RNF216: variants seen among roughly 807,000 people sequenced by gnomAD.
RNF216 encodes the protein ring finger protein 216.
In RNF216, 72 loss-of-function variants were observed where a neutral mutation model predicts 110.8. The observed-to-expected ratio is 0.65, with a 90% confidence interval of 0.54 to 0.79. The LOEUF (loss-of-function observed/expected upper bound fraction) is 0.79, where lower values mean the gene tolerates loss of function less well. Among genes scored for constraint, RNF216 ranks in the 30% least tolerant of loss-of-function variants. The pLI is 0.00. For synonymous variants in RNF216, 495 were observed against 407.5 expected, an observed-to-expected ratio of 1.21 and a Z score of -2.59; for missense variants, 1,342 against 1,141.2, an observed-to-expected ratio of 1.18 and a Z score of -2.54.
chr7:5,624,610 G>A lies in RNF216; in HGVS notation c.2383-485C>T, dbSNP rs1050317115. On this transcript the variant is annotated intron_variant, in intron 15 of 16. Transcript: ENST00000389902. The surrounding 1 kb of genome is among the most constrained non-coding windows in gnomAD (Gnocchi z 4.4). ...CAGTCGGGCCCTGCTTAGCCCCCAAGGCTGGCCTTGGCTCCTGGGCCAGGC... is the reference window on the plus strand; with the variant it reads ...CAGTCGGGCCCTGCTTAGCCCCCAAAGCTGGCCTTGGCTCCTGGGCCAGGC... Among the ~76,000 whole-genome samples, 4 of 152,250 alleles carry A rather than the reference G, an allele frequency of 2.6e-5. No individual in the cohort carries two copies. Among genetic ancestry groups the A allele is most frequent in the Admixed American group, 1.3e-4 (2 of 15,290 alleles).
At chr7:5,780,803 T>C (rs534972170) in intron 1 of RNF216, among the ~76,000 whole-genome samples, 3 of 152,276 alleles carry the variant, frequency 2.0e-5, no homozygotes, top group South Asian at 4.1e-4. Context: ...CTTAGGGATT[T>C]ACAGAGCCCT....
intron 13 of RNF216, among the ~76,000 whole-genome samples, chr7:5,676,746 A>G (rs1790324596): frequency 1.3e-5 from 2 of 152,232 alleles, no homozygotes; most frequent in Non-Finnish European, 2.9e-5. Flanking sequence ...TGGGAGAGAA[A>G]GAAAACTCCT....
chr7:5,728,842 G>A (rs1793918144), intron 7 of RNF216, among the ~76,000 whole-genome samples: 1 of 152,224 alleles, frequency 6.6e-6, no homozygotes, highest in African/African-American at 2.4e-5. Flanking sequence ...GCTGGTGCGT[G>A]CGCTCCTGTT....
intron 1 of RNF216, among the ~76,000 whole-genome samples, chr7:5,777,870 C>T (rs1373939288): frequency 1.3e-5 from 2 of 152,176 alleles, no homozygotes; most frequent in Non-Finnish European, 2.9e-5. Context: ...AACAATTTAA[C>T]ATAAAACATC....
chr7:5,690,194 G>A (rs1791247176), intron 13 of RNF216, among the ~76,000 whole-genome samples: 1 of 150,426 alleles, frequency 6.6e-6, no homozygotes, highest in South Asian at 2.1e-4. Flanking sequence ...AGGCATGGTG[G>A]TGCACACCTG....
chr7:5,624,736 A>T lies in RNF216; in HGVS notation c.2383-611T>A, dbSNP rs117075173. ...GCTTGGTAGGCCTGAAATAACAAACACAATTCACACTTGGGTTATCCAAGC... is the reference window on the plus strand; with the variant it reads ...GCTTGGTAGGCCTGAAATAACAAACTCAATTCACACTTGGGTTATCCAAGC... On this transcript the variant is annotated intron_variant, in intron 15 of 16. Coordinates refer to ENST00000389902, the MANE Select transcript of RNF216 (RefSeq NM_207111.4). The surrounding 1 kb of genome is among the most constrained non-coding windows in gnomAD (Gnocchi z 4.4). Among the ~76,000 whole-genome samples, 2,729 of 152,292 alleles carry T rather than the reference A, an allele frequency of 0.018. 35 individuals carry two copies. The highest frequency in any genetic ancestry group is 0.029 in the Non-Finnish European group (1,959 of 68,026).
At position 5,623,101 on chromosome 7, in the gene RNF216, G is replaced by T. The variant is rs1786489798; in HGVS notation, c.2531C>A (p.Pro844His). Residue 844 changes from proline (P) to histidine (H), a missense_variant, in exon 17 of 17, where the codon CCC (proline) becomes CAC (histidine). Physicochemically the swap from Pro to His is moderately conservative, Grantham distance 77. Transcript: ENST00000389902. Reference sequence around the variant, plus strand: ...TGGCTGTGGCAGGTTCTGCGGAACGGGCCTCGGGAGGGCCTCCACCCTCTG... The same window carrying T: ...TGGCTGTGGCAGGTTCTGCGGAACGTGCCTCGGGAGGGCCTCCACCCTCTG... Reference protein sequence around the residue: ...KVQRVEALPRPVPQNLPQPQM... With the variant: ...KVQRVEALPRHVPQNLPQPQM... 6.2e-7 allele frequency: 1 copy of T among 1,609,042 alleles called. No individual in the cohort carries two copies. The highest frequency in any genetic ancestry group is 8.5e-7 in the Non-Finnish European group (1 of 1,176,218).
At chr7:5,631,033 T>G (rs1787038780) in intron 15 of RNF216, among the ~76,000 whole-genome samples, 1 of 152,068 alleles carries the variant, frequency 6.6e-6, no homozygotes, top group Non-Finnish European at 1.5e-5. Context: ...AAGGTGTGCT[T>G]TATTCTATAA....
chr7:5,781,120 G>A (rs1013222561), intron 1 of RNF216, among the ~76,000 whole-genome samples: 6 of 152,218 alleles, frequency 3.9e-5, no homozygotes, highest in Non-Finnish European at 7.4e-5. Context: ...CGCCTGGGCT[G>A]GGGTTCACAG....
intron 13 of RNF216, among the ~76,000 whole-genome samples, chr7:5,667,734 C>A (rs2128591693): frequency 6.6e-6 from 1 of 152,332 alleles, no homozygotes; most frequent in African/African-American, 2.4e-5. Context: ...TGCTGGAACT[C>A]CACTGTCAGC....
chr7:5,723,348 T>G (rs1035430842), intron 8 of RNF216, among the ~76,000 whole-genome samples: 2 of 152,162 alleles, frequency 1.3e-5, no homozygotes, highest in Admixed American at 6.6e-5. Context: ...GTCCTTTATT[T>G]TAAAAAATAA....
chr7:5,690,835 C>T (rs1173906775), intron 13 of RNF216, among the ~76,000 whole-genome samples: 1 of 152,044 alleles, frequency 6.6e-6, no homozygotes, highest in Non-Finnish European at 1.5e-5. Flanking sequence ...GACAGCTCTG[C>T]CACACCAGCC....
chr7:5,703,945 A>G (rs1032702525), intron 13 of RNF216, among the ~76,000 whole-genome samples: 2 of 152,238 alleles, frequency 1.3e-5, no homozygotes, highest in African/African-American at 4.8e-5. Flanking sequence ...CATATTCCAG[A>G]AGCATCACCT....
chr7:5,738,504 C>G lies in RNF216; in HGVS notation c.1121+772G>C, dbSNP rs549534073. Among the ~76,000 whole-genome samples, 116 of 152,120 alleles carry G rather than the reference C, an allele frequency of 7.6e-4. 1 individual carries two copies. The highest frequency in any genetic ancestry group is 1.2e-3 in the Admixed American group (18 of 15,290). Reference sequence around the variant, plus strand: ...CGGGTGGATCACGAGGTCAGGAGATCGAGACCATCCTGGCTAACATGGTGA... The same window carrying G: ...CGGGTGGATCACGAGGTCAGGAGATGGAGACCATCCTGGCTAACATGGTGA... On this transcript the variant is annotated intron_variant, in intron 5 of 16. Transcript: ENST00000389902.
chr7:5,765,458 C>T (rs1796154019), intron 1 of RNF216, among the ~76,000 whole-genome samples: 1 of 151,480 alleles, frequency 6.6e-6, no homozygotes. Flanking sequence ...GGTGAGACTC[C>T]ATCTCAAAAA....
intron 13 of RNF216, among the ~76,000 whole-genome samples, chr7:5,692,900 A>C (rs1215396565): frequency 6.6e-6 from 1 of 152,232 alleles, no homozygotes; most frequent in Non-Finnish European, 1.5e-5. Context: ...AGCATCCTCA[A>C]AAGCGATTCA....
rs373416089 is a variant in RNF216, at chr7:5,741,385, T to C, written c.632A>G (p.Asn211Ser). The change falls in exon 4 of 17, where the codon AAT becomes AGT. Residue 211 changes from asparagine (N) to serine (S), a missense_variant. Asn to Ser is a conservative substitution (Grantham distance 46). Transcript: ENST00000389902. ...TGCTAGAGCAGCTGACTCTCCTAGA[T>C]TTGATAACAGCTCTGTCTCTGAGTC... is the stretch of plus-strand genomic sequence containing the variant. ...SEDSETELLSNLGESAALADD... is the reference protein window; with the variant it reads ...SEDSETELLSSLGESAALADD... The C allele has an allele frequency of 1.6e-4, 260 of 1,614,118 alleles. No individual in the cohort carries two copies. Among genetic ancestry groups the C allele is most frequent in the Admixed American group, 5.7e-4 (34 of 60,002 alleles).
At chr7:5,698,806 T>G (rs1442641918) in intron 13 of RNF216, among the ~76,000 whole-genome samples, 2 of 152,102 alleles carry the variant, frequency 1.3e-5, no homozygotes, top group African/African-American at 4.8e-5. Context: ...CAGGAAACCT[T>G]CCCTCCTCTA....
intron 15 of RNF216, among the ~76,000 whole-genome samples, chr7:5,626,733 C>G: frequency 6.6e-6 from 1 of 152,020 alleles, no homozygotes; most frequent in East Asian, 1.9e-4. Flanking sequence ...GGCCGTGGGC[C>G]TACACCTCTT....
Sources: gnomAD v4.1 joint callset for allele counts (sites outside exome capture counted in the v4.1 genomes callset) on GRCh38, gnomAD v4.1.1 for gene constraint, Gnocchi (gnomAD v3.1) non-coding constraint, MANE v1.5 for transcripts, NCBI Gene and HGNC (gene_info 2026-07-23, HGNC 2026-07-21) for gene names.